SFT2D2: variants seen among roughly 807,000 people sequenced by gnomAD.
The protein encoded by SFT2D2 is SFT2 domain containing 2, also known as vesicle transport protein SFT2B.
In SFT2D2, 21 loss-of-function variants were observed where a neutral mutation model predicts 27.4. That is an observed-to-expected ratio of 0.77 (90% CI 0.54 to 1.10). The LOEUF (loss-of-function observed/expected upper bound fraction) is 1.10. SFT2D2 is among the 50% of genes least tolerant of loss of function. SFT2D2 has a pLI of 0.00. For missense variants in SFT2D2, 187 were observed against 194.2 expected, an observed-to-expected ratio of 0.96 and a Z score of 0.22; for synonymous variants, 72 against 71.7, an observed-to-expected ratio of 1.00 and a Z score of -0.02.
At position 168,236,733 on chromosome 1, in the gene SFT2D2, C is replaced by T; in HGVS notation, c.376C>T (p.Leu126Phe). Residue 126 changes from leucine (L) to phenylalanine (F), a missense_variant, in exon 6 of 8, where the codon CTT becomes TTT. By Grantham distance (22) the Leu-to-Phe change is conservative (BLOSUM62 0). Transcript: ENST00000271375. The part of the protein sequence containing the change: ...AFWWHNKGLA[L>F]IFCILQSLAL... ...CCAGTGGCATAACAAGGGACTTGCA[C>T]TTATCTTCTGCATTTTGCAGTCTTT... 1 of 1,614,184 alleles carries T rather than the reference C, an allele frequency of 6.2e-7. No individual in the cohort carries two copies. Among genetic ancestry groups the T allele is most frequent in the Non-Finnish European group, 8.5e-7 (1 of 1,180,016 alleles).
chr1:168,246,894 A>T lies in SFT2D2; in HGVS notation c.*4354A>T. ...TCTTTTTATAATTTCAATGTCTTTT[A>T]AGTATTTCTTTTCCAGGATTTGATT... On this transcript the variant is annotated 3_prime_UTR_variant, in exon 8 of 8. Transcript: ENST00000271375. 2 of 590,646 alleles carry T rather than the reference A, an allele frequency of 3.4e-6. No homozygotes were observed. The highest frequency in any genetic ancestry group is 5.3e-5 in the East Asian group (1 of 18,786). The allele number at this position is 590,646 out of a possible 1,614,324, so 36.6% of individuals were successfully genotyped here.
intron 1 of SFT2D2, among the ~76,000 whole-genome samples, chr1:168,229,153 G>C (rs1362119501): frequency 6.6e-6 from 1 of 152,174 alleles, no homozygotes; most frequent in South Asian, 2.1e-4. Flanking sequence ...CTTTCTGAAG[G>C]TAGAAACCAG....
chr1:168,242,893 GC>G lies in SFT2D2; in HGVS notation c.*357del, dbSNP rs1647686445. ...AGTGATTCCCAGGTGGCAAAAGGCA[GC>G]CCCATCAGAGATCACGGGAGCAACA... is the stretch of plus-strand genomic sequence containing the variant. On this transcript the variant is annotated 3_prime_UTR_variant, in exon 8 of 8. Coordinates refer to ENST00000271375, the MANE Select transcript of SFT2D2 (RefSeq NM_199344.3). The G allele has an allele frequency of 3.2e-6, 1 of 311,012 alleles. No individual in the cohort carries two copies. Among genetic ancestry groups the G allele is most frequent in the South Asian group, 3.4e-5 (1 of 29,772 alleles). 19.3% of individuals were successfully genotyped at this position (311,012 alleles called of 1,614,324 possible).
Position 168,252,967 on chromosome 1 carries a change from T to C in SFT2D2, c.*10427T>C, listed in dbSNP as rs1003082536. On this transcript the variant is annotated 3_prime_UTR_variant, in exon 8 of 8. Coordinates refer to ENST00000271375, the MANE Select transcript of SFT2D2 (RefSeq NM_199344.3). ...AGCTGTCTCTCCTCCCCCATCACAATTGTTAGTTTTTTTTGCTTTCTTTCT... is the reference window on the plus strand; with the variant it reads ...AGCTGTCTCTCCTCCCCCATCACAACTGTTAGTTTTTTTTGCTTTCTTTCT... The C allele has an allele frequency of 1.8e-4, 27 of 152,190 alleles. No homozygotes were observed. The highest frequency in any genetic ancestry group is 5.8e-4 in the African/African-American group (24 of 41,448). The allele number at this position is 152,190 out of a possible 1,614,324, so 9.4% of individuals were successfully genotyped here. A position where few individuals can be genotyped will look rare whatever the true frequency, so the allele number is the denominator to read the frequency against.
rs762621134 is a variant in SFT2D2, at chr1:168,231,918, AG to A, written c.236+1del. On this transcript the variant is annotated frameshift_variant and splice_region_variant, in exon 3 of 8. Coordinates refer to ENST00000271375, the MANE Select transcript of SFT2D2 (RefSeq NM_199344.3). LOFTEE classifies it high-confidence loss of function. ...YTFGNIASIG[S>X]TIFLMGPVKQ... ...CTTTGGTAATATCGCATCAATTGGGAGGTAACTGTTTTTTAAAAATCCAATT... is the reference window on the plus strand; with the variant it reads ...CTTTGGTAATATCGCATCAATTGGGAGTAACTGTTTTTTAAAAATCCAATT... 1 of 1,613,726 alleles carries A rather than the reference AG, an allele frequency of 6.2e-7. No individual in the cohort carries two copies. The highest frequency in any genetic ancestry group is 1.3e-5 in the African/African-American group (1 of 74,862).
At position 168,231,596 on chromosome 1, in the gene SFT2D2, T is replaced by G; in HGVS notation, c.146T>G (p.Leu49Arg). Residue 49 changes from leucine (L) to arginine (R), a missense_variant, in exon 2 of 8, where the codon CTG becomes CGG. Physicochemically the swap from Leu to Arg is moderately radical, Grantham distance 102. Coordinates refer to ENST00000271375, the MANE Select transcript of SFT2D2 (RefSeq NM_199344.3). The stretch of plus-strand genomic sequence containing the variant: ...TTTGCTATAGGAATTCTCTGCTCAC[T>G]GCTGGTAAGATTTCCCTTCCTCCTC... ...ACFAIGILCS[L>R]LGTVLLWVPR... The G allele has an allele frequency of 1.9e-6, 3 of 1,614,008 alleles. No homozygotes were observed. The highest frequency in any genetic ancestry group is 2.5e-6 in the Non-Finnish European group (3 of 1,179,844).
chr1:168,237,004 G>T (rs1466631361), intron 6 of SFT2D2, among the ~76,000 whole-genome samples: 1 of 152,182 alleles, frequency 6.6e-6, no homozygotes, highest in African/African-American at 2.4e-5. Context: ...CTCCTTGTTT[G>T]CCTGCTGTGG....
At chr1:168,236,648 T>G (rs200839791) in intron 5 of SFT2D2, 24 bp downstream of exon 5, 942 of 1,613,894 alleles carry the variant, frequency 5.8e-4, no homozygotes, top group Non-Finnish European at 5.8e-4. Context: ...TTAATTTTTC[T>G]TAACCATTTT....
In SFT2D2 at chr1:168,226,083, G is replaced by C. The variant is rs1403546574; in HGVS notation, c.4G>C (p.Asp2His). 6.5e-7 allele frequency: 1 copy of C among 1,533,340 alleles called. No homozygotes were observed. Among genetic ancestry groups the C allele is most frequent in the Admixed American group, 2.0e-5 (1 of 48,958 alleles). The allele number at this position is 1,533,340 out of a possible 1,614,324, so 95.0% of individuals were successfully genotyped here. ...AGCTGGTGGGGACTGGGCCGCAATGGACAAGCTGAAGAAGGTGCTGAGCGG... is the reference window on the plus strand; with the variant it reads ...AGCTGGTGGGGACTGGGCCGCAATGCACAAGCTGAAGAAGGTGCTGAGCGG... M[D>H]KLKKVLSGQD... The change falls in exon 1 of 8, where the codon GAC becomes CAC. Residue 2 changes from aspartate (D) to histidine (H), a missense_variant. Coordinates refer to ENST00000271375, the MANE Select transcript of SFT2D2 (RefSeq NM_199344.3).
chr1:168,226,208 C>T (rs984637273), intron 1 of SFT2D2, 66 bp downstream of exon 1: 5 of 1,423,506 alleles, frequency 3.5e-6, no homozygotes, highest in Non-Finnish European at 4.7e-6. Context: ...CTGCCCGGGC[C>T]TGGGAAGCCT....
At chr1:168,239,091 C>A in intron 6 of SFT2D2, 40 bp from the exon 7 acceptor site, 2 of 1,495,084 alleles carry the variant, frequency 1.3e-6, no homozygotes, top group Admixed American at 1.7e-5. Context: ...CTGCTACTCC[C>A]TTCATCTCAT....
intron 3 of SFT2D2, among the ~76,000 whole-genome samples, 177 bp from the exon 4 acceptor site, chr1:168,234,924 T>C (rs1015603252): frequency 1.3e-5 from 2 of 152,330 alleles, no homozygotes; most frequent in African/African-American, 2.4e-5. Context: ...TCCTACTTTA[T>C]AGGTTGGTTG....
At position 168,249,793 on chromosome 1, in the gene SFT2D2, C is replaced by T. The variant is rs190008935; in HGVS notation, c.*7253C>T. Reference sequence around the variant, plus strand: ...GGGTCATTGCAAGATGTCAGTGAGACGTGTCAAGTGCTTAGAATAGGGCTT... The same window carrying T: ...GGGTCATTGCAAGATGTCAGTGAGATGTGTCAAGTGCTTAGAATAGGGCTT... On this transcript the variant is annotated 3_prime_UTR_variant, in exon 8 of 8. Transcript: ENST00000271375. 1.3e-5 allele frequency: 2 copies of T among 152,336 alleles called. No homozygotes were observed. Among genetic ancestry groups the T allele is most frequent in the Admixed American group, 6.5e-5 (1 of 15,290 alleles). 9.4% of individuals were successfully genotyped at this position (152,336 alleles called of 1,614,324 possible).
intron 7 of SFT2D2, among the ~76,000 whole-genome samples, chr1:168,239,457 G>GTTTTTT (rs34187475): frequency 5.4e-5 from 7 of 129,506 alleles, no homozygotes; most frequent in African/African-American, 1.7e-4. Flanking sequence ...TTTGAGTAGG[G>GTTTTTT]TTTTTTTTTT....
intron 7 of SFT2D2, among the ~76,000 whole-genome samples, chr1:168,241,561 G>A (rs1647644298): frequency 6.6e-6 from 1 of 152,020 alleles, no homozygotes; most frequent in Non-Finnish European, 1.5e-5. Flanking sequence ...TAGTGTTTCT[G>A]TGGAAGAAAA....
Position 168,246,408 on chromosome 1 carries a change from AT to A in SFT2D2, c.*3874del. 1 of 866,410 alleles carries A rather than the reference AT, an allele frequency of 1.2e-6. No individual in the cohort carries two copies. Among genetic ancestry groups the A allele is most frequent in the Non-Finnish European group, 1.7e-6 (1 of 602,860 alleles). The allele number at this position is 866,410 out of a possible 1,614,324, so 53.7% of individuals were successfully genotyped here. A position where few individuals can be genotyped will look rare whatever the true frequency, so the allele number is the denominator to read the frequency against. On this transcript the variant is annotated 3_prime_UTR_variant, in exon 8 of 8. Transcript: ENST00000271375. ...TACTTTATCTTGGCCACTTGTGTAC[AT>A]TTTTTCAATGTCCTTCATTTGACAC...
chr1:168,238,982 T>C lies in SFT2D2; in HGVS notation c.414-149T>C, dbSNP rs1274512282. The C allele has an allele frequency of 4.1e-5, 28 of 686,318 alleles. No homozygotes were observed. In the South Asian group the frequency reaches 4.2e-4, roughly 10 times the overall value. The allele number at this position is 686,318 out of a possible 1,614,324, so 42.5% of individuals were successfully genotyped here. ...ACGTGCATGCACATGCGTGGGCCTT[T>C]GTGTGCACATGCTCATCCCCCAGGC... is the stretch of plus-strand genomic sequence containing the variant. On this transcript the variant is annotated intron_variant, in intron 6 of 7. Coordinates refer to ENST00000271375, the MANE Select transcript of SFT2D2 (RefSeq NM_199344.3).
In SFT2D2 at chr1:168,246,859, CTTCATGCT is replaced by C. The variant is rs1448833358; in HGVS notation, c.*4323_*4330del. On this transcript the variant is annotated 3_prime_UTR_variant, in exon 8 of 8. Transcript: ENST00000271375. ...TTCTGTTTTAGAGCCTTTTGAAGGT[CTTCATGCT>C]TTCTTTTTATAATTTCAATGTCTTT... 5 of 645,078 alleles carry C rather than the reference CTTCATGCT, an allele frequency of 7.8e-6. No homozygotes were observed. Among genetic ancestry groups the C allele is most frequent in the Non-Finnish European group, 1.4e-5 (5 of 369,058 alleles). 40.0% of individuals were successfully genotyped at this position (645,078 alleles called of 1,614,324 possible).
At chr1:168,236,556 T>G (rs761055796) in intron 4 of SFT2D2, 33 bp from the exon 5 acceptor site, 11 of 1,600,686 alleles carry the variant, frequency 6.9e-6, no homozygotes, top group Non-Finnish European at 8.5e-6. Flanking sequence ...GCCATGTTAT[T>G]GTCATTAATT....
Sources: allele counts gnomAD v4.1 joint callset (sites outside exome capture counted in the v4.1 genomes callset), GRCh38; gene constraint gnomAD v4.1.1; transcripts MANE v1.5; gene names NCBI Gene and HGNC (gene_info 2026-07-23, HGNC 2026-07-21).